The following CARMIL1 variants were observed in gnomAD, a reference collection of about 807,000 sequenced individuals.
CARMIL1 encodes F-actin-uncapping protein LRRC16A.
In CARMIL1, 90 loss-of-function variants were observed where a neutral mutation model predicts 177.1. The observed-to-expected ratio is 0.51, with a 90% CI of 0.43 to 0.61. The LOEUF (loss-of-function observed/expected upper bound fraction) is 0.61. Among genes scored for constraint, CARMIL1 ranks in the 20% least tolerant of loss-of-function variants. The pLI is 0.00. For missense variants in CARMIL1, 1,380 were observed against 1,667.0 expected, an observed-to-expected ratio of 0.83 and a Z score of 3.00; for synonymous variants, 577 against 606.2, an observed-to-expected ratio of 0.95 and a Z score of 0.71.
At chr6:25,502,430 C>T (rs1804481604) in intron 17 of CARMIL1, among the ~76,000 whole-genome samples, 1 of 151,750 alleles carries the variant, frequency 6.6e-6, no homozygotes, top group African/African-American at 2.4e-5. Flanking sequence ...TGGCGGGTGC[C>T]TGTAATCCCA....
intron 2 of CARMIL1, among the ~76,000 whole-genome samples, chr6:25,380,295 G>T (rs1461451741): frequency 6.6e-6 from 1 of 152,184 alleles, no homozygotes; most frequent in African/African-American, 2.4e-5. Flanking sequence ...ACTCTAAAGG[G>T]CCAGATAGCA....
chr6:25,361,587 A>G (rs1229546066), intron 2 of CARMIL1, among the ~76,000 whole-genome samples: 1 of 152,152 alleles, frequency 6.6e-6, no homozygotes, highest in African/African-American at 2.4e-5. Flanking sequence ...TGCTAAAGGA[A>G]TTTCAGGATT....
chr6:25,600,825 T>C (rs1815328793), intron 33 of CARMIL1, 79 bp downstream of exon 33: 2 of 1,228,842 alleles, frequency 1.6e-6, no homozygotes, highest in African/African-American at 3.1e-5. Context: ...GCATGTGATA[T>C]TTTTATGTAT....
chr6:25,376,888 G>GTGAAAT (rs1791040642), intron 2 of CARMIL1, among the ~76,000 whole-genome samples: 1 of 152,108 alleles, frequency 6.6e-6, no homozygotes, highest in Non-Finnish European at 1.5e-5. Context: ...AATGCACTGA[G>GTGAAAT]GTCTTTTCAA....
intron 2 of CARMIL1, among the ~76,000 whole-genome samples, chr6:25,301,246 A>C (rs1782837229): frequency 6.6e-6 from 1 of 152,222 alleles, no homozygotes; most frequent in Admixed American, 6.5e-5. Context: ...GAGGAATAAA[A>C]GCCCTTAGTT....
chr6:25,544,496 T>C (rs1290960167), intron 26 of CARMIL1, among the ~76,000 whole-genome samples: 2 of 151,470 alleles, frequency 1.3e-5, no homozygotes, highest in Non-Finnish European at 2.9e-5. Flanking sequence ...CTTTAGAGAG[T>C]ACATAACATA....
At chr6:25,284,173 G>A (rs942514489) in intron 1 of CARMIL1, among the ~76,000 whole-genome samples, 1 of 152,238 alleles carries the variant, frequency 6.6e-6, no homozygotes, top group Admixed American at 6.5e-5. Context: ...ATGAATTCCT[G>A]TTGTGTTCTG....
chr6:25,304,149 C>T (rs1035510212), intron 2 of CARMIL1, among the ~76,000 whole-genome samples: 4 of 152,160 alleles, frequency 2.6e-5, no homozygotes, highest in East Asian at 1.9e-4. Flanking sequence ...GAAAAGAAGA[C>T]GTAGATTTAT....
At chr6:25,594,349 T>C (rs913883906) in intron 31 of CARMIL1, 66 bp from the exon 32 acceptor site, 2 of 1,020,146 alleles carry the variant, frequency 2.0e-6, no homozygotes, top group Non-Finnish European at 3.0e-6. Context: ...GTGTCTTAAA[T>C]CTAGTAATAA....
chr6:25,418,319 GA>G (rs1180804011), intron 2 of CARMIL1, among the ~76,000 whole-genome samples: 1 of 152,136 alleles, frequency 6.6e-6, no homozygotes, highest in East Asian at 1.9e-4. Context: ...ATATGACCTT[GA>G]AACGAGTTCA....
chr6:25,289,592 C>A (rs953537714), intron 2 of CARMIL1, among the ~76,000 whole-genome samples: 1 of 152,130 alleles, frequency 6.6e-6, no homozygotes, highest in African/African-American at 2.4e-5. Flanking sequence ...CTTTTTATAG[C>A]CATACCTAGC....
chr6:25,584,657 G>A (rs1383097120), intron 31 of CARMIL1, among the ~76,000 whole-genome samples: 2 of 152,062 alleles, frequency 1.3e-5, no homozygotes, highest in Admixed American at 6.5e-5. Flanking sequence ...AAGGGGGTAT[G>A]ATCTAATGGT....
chr6:25,569,916 A>G (rs1811912411), intron 29 of CARMIL1, among the ~76,000 whole-genome samples: 1 of 152,222 alleles, frequency 6.6e-6, no homozygotes, highest in Non-Finnish European at 1.5e-5. Context: ...AATGCTATTC[A>G]AGTTTTTATG....
Position 25,441,337 on chromosome 6 carries a change from A to ATGTGTGTG in CARMIL1, c.371+5761_371+5768dup, listed in dbSNP as rs1554196401. 5.6e-3 allele frequency among the ~76,000 whole-genome samples: 526 copies of ATGTGTGTG among 94,494 alleles called. 10 individuals carry two copies. The highest frequency in any genetic ancestry group is 0.022 in the South Asian group (53 of 2,422). The allele number at this position is 94,494 out of a possible 152,430, so 62.0% of individuals were successfully genotyped here. A position where few individuals can be genotyped will look rare whatever the true frequency, so the allele number is the denominator to read the frequency against. ...CAAACAAACATATATATATATATATATGTGTGTGTGTGTGTGTGTGTGTGT... is the reference window on the plus strand; with the variant it reads ...CAAACAAACATATATATATATATATATGTGTGTGTGTGTGTGTGTGTGTGTGTGTGTGT... On this transcript the variant is annotated intron_variant, in intron 5 of 36. Transcript: ENST00000329474.
In CARMIL1 at chr6:25,509,191, C is replaced by T. The variant is rs868098193; in HGVS notation, c.1396-465C>T. Reference sequence around the variant, plus strand: ...GTCTTAGAACAGGTAGGGATGGGTCCTTCCTAAAATGTTTGACAATCAAAG... The same window carrying T: ...GTCTTAGAACAGGTAGGGATGGGTCTTTCCTAAAATGTTTGACAATCAAAG... On this transcript the variant is annotated intron_variant, in intron 17 of 36. Coordinates refer to ENST00000329474, the MANE Select transcript of CARMIL1 (RefSeq NM_017640.6). The surrounding 1 kb of genome is among the most constrained non-coding windows in gnomAD (Gnocchi z 4.1). Among the ~76,000 whole-genome samples the T allele has an allele frequency of 5.3e-5, 8 of 152,126 alleles. No homozygotes were observed. The highest frequency in any genetic ancestry group is 1.9e-4 in the African/African-American group (8 of 41,422).
Position 25,472,469 on chromosome 6 carries a change from C to A in CARMIL1, c.822C>A (p.Pro274=). The A allele has an allele frequency of 6.3e-7, 1 of 1,583,684 alleles. No individual in the cohort carries two copies. The highest frequency in any genetic ancestry group is 8.6e-7 in the Non-Finnish European group (1 of 1,164,072). ...QKLASALAHN[P]NSGLHTINLA... ...TGGCCAGTGCTCTAGCACATAATCC[C>A]AACTCAGGACTCCACACAATTAACC... Residue 274 remains proline, a synonymous_variant, in exon 11 of 37, where the codon CCC becomes CCA. Transcript: ENST00000329474.
intron 20 of CARMIL1, among the ~76,000 whole-genome samples, chr6:25,514,794 C>T (rs541494435): frequency 9.2e-5 from 14 of 151,910 alleles, no homozygotes; most frequent in South Asian, 4.2e-4. Context: ...TGTGGTGGTA[C>T]GCACCTGTAG....
chr6:25,444,069 C>T (rs904055491), intron 5 of CARMIL1, among the ~76,000 whole-genome samples: 4 of 152,152 alleles, frequency 2.6e-5, no homozygotes, highest in African/African-American at 9.7e-5. Context: ...TTCCAAAGTG[C>T]TGGGATTACA....
chr6:25,501,662 C>T (rs966649648), intron 17 of CARMIL1, among the ~76,000 whole-genome samples: 1 of 152,100 alleles, frequency 6.6e-6, no homozygotes, highest in Non-Finnish European at 1.5e-5. Flanking sequence ...GACACCAAAT[C>T]GCCAATAGTA....
Sources: allele counts gnomAD v4.1 joint callset (sites outside exome capture counted in the v4.1 genomes callset), GRCh38; gene constraint gnomAD v4.1.1; non-coding constraint Gnocchi (gnomAD v3.1); transcripts MANE v1.5; gene names NCBI Gene and HGNC (gene_info 2026-07-23, HGNC 2026-07-21).